Variants in TTLL11 observed in about 807,000 individuals in gnomAD.
The protein encoded by TTLL11 is tubulin polyglutamylase TTLL11.
A neutral mutation model predicts 51.7 loss-of-function variants in TTLL11; 42 were observed. The observed-to-expected ratio is 0.81, with a 90% CI of 0.64 to 1.05. The LOEUF is 1.05. Among genes scored for constraint, TTLL11 ranks in the 50% least tolerant of loss-of-function variants. The probability of loss-of-function intolerance (pLI) is 0.00; values close to 1 mark genes in which losing one functional copy is unlikely to be tolerated. For missense variants in TTLL11, 799 were observed against 940.4 expected, an observed-to-expected ratio of 0.85 and a Z score of 1.97; for synonymous variants, 381 against 383.5, an observed-to-expected ratio of 0.99 and a Z score of 0.08.
chr9:121,981,293 G>A lies in TTLL11; in HGVS notation c.1270-6314C>T, dbSNP rs1039166594. 5.9e-5 allele frequency among the ~76,000 whole-genome samples: 9 copies of A among 151,764 alleles called. No homozygotes were observed. The East Asian group carries it at 9.7e-4, about 16-fold the overall frequency. Reference sequence around the variant, plus strand: ...AATTTTGGACACATTCTATTGCTACGTCTTCAAGTTCACTGATGATTTCTT... The same window carrying A: ...AATTTTGGACACATTCTATTGCTACATCTTCAAGTTCACTGATGATTTCTT... On this transcript the variant is annotated intron_variant, in intron 4 of 8. Transcript: ENST00000321582.
intron 8 of TTLL11, among the ~76,000 whole-genome samples, chr9:121,831,032 A>T (rs775605594): frequency 6.6e-6 from 1 of 152,152 alleles, no homozygotes; most frequent in Admixed American, 6.5e-5. Context: ...GGATGATTAG[A>T]TACTGGATAT....
chr9:122,073,442 G>A (rs954887232), intron 1 of TTLL11, among the ~76,000 whole-genome samples: 1 of 152,004 alleles, frequency 6.6e-6, no homozygotes, highest in African/African-American at 2.4e-5. Flanking sequence ...AAAATCTTGT[G>A]GGAAAGAAAG....
intron 3 of TTLL11, among the ~76,000 whole-genome samples, chr9:122,027,570 T>C (rs965224440): frequency 2.6e-5 from 4 of 152,236 alleles, no homozygotes; most frequent in Non-Finnish European, 5.9e-5. Flanking sequence ...CTGTGTAAGA[T>C]GTTAACATTA....
chr9:122,020,614 T>A (rs1266405968), intron 3 of TTLL11, among the ~76,000 whole-genome samples: 1 of 152,224 alleles, frequency 6.6e-6, no homozygotes, highest in East Asian at 1.9e-4. Context: ...TATGCTTGTG[T>A]TCCCACCCCA....
chr9:121,971,374 C>T (rs541234195), intron 6 of TTLL11, among the ~76,000 whole-genome samples: 2,901 of 80,078 alleles, frequency 0.036, 54 homozygotes, highest in African/African-American at 0.11. Context: ...CCCGGCCAGC[C>T]GCCCCGTCCG....
At chr9:121,865,407 T>A (rs1218808988) in intron 7 of TTLL11, among the ~76,000 whole-genome samples, 1 of 152,118 alleles carries the variant, frequency 6.6e-6, no homozygotes, top group African/African-American at 2.4e-5. Context: ...ATGAAGCAAA[T>A]GCTCACGATA....
rs181738792 is a variant in TTLL11 at position 121,983,018 on chromosome 9, C to T, written c.1269+6177G>A. ...CCTTGGCTACAGTGAGAAAAATAGG[C>T]TATAGGCAGTAAGGGTGGCTATGGC... On this transcript the variant is annotated intron_variant, in intron 4 of 8. Coordinates refer to ENST00000321582, the MANE Select transcript of TTLL11 (RefSeq NM_001139442.2). Among the ~76,000 whole-genome samples the T allele has an allele frequency of 2.4e-3, 361 of 152,298 alleles. 1 individual carries two copies. Among genetic ancestry groups the T allele is most frequent in the Non-Finnish European group, 3.4e-3 (232 of 68,034 alleles).
intron 3 of TTLL11, among the ~76,000 whole-genome samples, chr9:121,997,578 G>A (rs1382059457): frequency 6.6e-6 from 1 of 152,214 alleles, no homozygotes; most frequent in Non-Finnish European, 1.5e-5. Flanking sequence ...TGCAGAGAGG[G>A]CGTGGGCTTC....
At chr9:121,982,648 G>A (rs1406113892) in intron 4 of TTLL11, among the ~76,000 whole-genome samples, 1 of 149,896 alleles carries the variant, frequency 6.7e-6, no homozygotes, top group Non-Finnish European at 1.5e-5. Flanking sequence ...TTGAACCCAG[G>A]AGGCAGAGGT....
chr9:121,972,284 T>C (rs1050522261), intron 6 of TTLL11, among the ~76,000 whole-genome samples: 14 of 152,296 alleles, frequency 9.2e-5, no homozygotes, highest in South Asian at 2.1e-4. Context: ...CCAATAACTA[T>C]TAGAGAATAG....
At chr9:121,952,444 CAA>C (rs67882979) in intron 6 of TTLL11, among the ~76,000 whole-genome samples, 69,657 of 121,562 alleles carry the variant, frequency 0.57, 19,101 homozygotes, top group East Asian at 0.76. Context: ...GACTCCGCCT[CAA>C]AAAAAAAAAA....
intron 1 of TTLL11, among the ~76,000 whole-genome samples, chr9:122,063,009 G>A (rs572552265): frequency 6.6e-6 from 1 of 151,934 alleles, no homozygotes; most frequent in African/African-American, 2.4e-5. Flanking sequence ...TTGAACTCCT[G>A]GGCTCAAGAG....
At chr9:122,024,584 T>C (rs1844274109) in intron 3 of TTLL11, among the ~76,000 whole-genome samples, 1 of 152,148 alleles carries the variant, frequency 6.6e-6, no homozygotes, top group Non-Finnish European at 1.5e-5. Flanking sequence ...GAGAGACAAA[T>C]AGATCAAAGA....
chr9:121,908,588 A>AT (rs1840017943), intron 6 of TTLL11, among the ~76,000 whole-genome samples: 1 of 152,232 alleles, frequency 6.6e-6, no homozygotes, highest in African/African-American at 2.4e-5. Flanking sequence ...TAATAAAGTC[A>AT]TTTTTTGATT....
intron 4 of TTLL11, among the ~76,000 whole-genome samples, chr9:121,983,854 C>A (rs1207163261): frequency 1.3e-5 from 2 of 152,090 alleles, no homozygotes; most frequent in Non-Finnish European, 2.9e-5. Context: ...TAACCACATG[C>A]CCATACTAGC....
At chr9:122,055,816 GC>G (rs1448379805) in intron 1 of TTLL11, among the ~76,000 whole-genome samples, 1 of 152,198 alleles carries the variant, frequency 6.6e-6, no homozygotes, top group Non-Finnish European at 1.5e-5. Flanking sequence ...AAAGGTTGAA[GC>G]CATTTGAACT....
chr9:121,917,304 T>TAA (rs113053206), intron 6 of TTLL11, among the ~76,000 whole-genome samples: 54 of 141,944 alleles, frequency 3.8e-4, no homozygotes, highest in African/African-American at 1.3e-3. Flanking sequence ...CTTATCTCTA[T>TAA]AAAAAAAAAA....
intron 8 of TTLL11, among the ~76,000 whole-genome samples, chr9:121,858,306 TAGG>T (rs1168508816): frequency 6.6e-6 from 1 of 152,060 alleles, no homozygotes; most frequent in Non-Finnish European, 1.5e-5. Flanking sequence ...GACCAGTGAG[TAGG>T]AGAAGGCAAC....
intron 6 of TTLL11, among the ~76,000 whole-genome samples, chr9:121,937,544 T>C (rs1841282984): frequency 6.6e-6 from 1 of 152,170 alleles, no homozygotes. Flanking sequence ...CCATGAGTTC[T>C]TGGAGTCTAG....
Sources: allele counts gnomAD v4.1 joint callset (sites outside exome capture counted in the v4.1 genomes callset), GRCh38; gene constraint gnomAD v4.1.1; transcripts MANE v1.5; gene names NCBI Gene and HGNC (gene_info 2026-07-23, HGNC 2026-07-21).